UBE2E2: variants seen among roughly 807,000 people sequenced by gnomAD.
UBE2E2 encodes the protein ubiquitin-conjugating enzyme E2 E2.
UBE2E2 carries 6 observed loss-of-function variants against 24.7 expected under a neutral mutation model. The ratio of observed to expected loss-of-function variants is 0.24; its 90% CI spans 0.13 to 0.48. The LOEUF (loss-of-function observed/expected upper bound fraction) is 0.48, where lower values mean the gene tolerates loss of function less well. Among genes scored for constraint, UBE2E2 ranks in the 20% least tolerant of loss-of-function variants. UBE2E2 has a pLI of 0.99. For synonymous variants in UBE2E2, 104 were observed against 83.6 expected (o/e 1.24, Z -1.33); for missense variants, 169 against 245.0 (o/e 0.69, Z 2.07).
At chr3:23,578,084 T>G (rs922418798) in intron 5 of UBE2E2, among the ~76,000 whole-genome samples, 5 of 150,626 alleles carry the variant, frequency 3.3e-5, no homozygotes, top group Non-Finnish European at 5.9e-5. Context: ...ACAAGGAACT[T>G]AAACAAATTT....
At chr3:23,234,766 A>G (rs1697063252) in intron 3 of UBE2E2, among the ~76,000 whole-genome samples, 1 of 152,140 alleles carries the variant, frequency 6.6e-6, no homozygotes, top group South Asian at 2.1e-4. Flanking sequence ...GATACATGTT[A>G]TCATGTTGTT....
chr3:23,361,435 C>A (rs1386526484), intron 3 of UBE2E2, among the ~76,000 whole-genome samples: 1 of 152,114 alleles, frequency 6.6e-6, no homozygotes. Flanking sequence ...AGCTAAGTGC[C>A]CGTTGACCAA....
chr3:23,516,233 G>A (rs993593020), intron 4 of UBE2E2, among the ~76,000 whole-genome samples: 2 of 152,104 alleles, frequency 1.3e-5, no homozygotes, highest in Non-Finnish European at 2.9e-5. Flanking sequence ...AATATTAGGG[G>A]GAGAAAGAAT....
intron 3 of UBE2E2, among the ~76,000 whole-genome samples, chr3:23,304,866 G>A (rs1252697703): frequency 1.3e-5 from 2 of 152,002 alleles, no homozygotes; most frequent in Non-Finnish European, 1.5e-5. Context: ...GTGTGTGTGT[G>A]TGTAACTTCT....
At chr3:23,355,895 A>G (rs1165378939) in intron 3 of UBE2E2, among the ~76,000 whole-genome samples, 2 of 152,194 alleles carry the variant, frequency 1.3e-5, no homozygotes, top group South Asian at 2.1e-4. Flanking sequence ...GAGGAAAATT[A>G]TATCTCTTAC....
At chr3:23,558,136 A>T (rs1348087535) in intron 5 of UBE2E2, among the ~76,000 whole-genome samples, 2 of 152,210 alleles carry the variant, frequency 1.3e-5, no homozygotes, top group African/African-American at 4.8e-5. Flanking sequence ...TAAGTCCTCC[A>T]AAACCACTGA....
intron 3 of UBE2E2, among the ~76,000 whole-genome samples, chr3:23,445,566 A>G (rs899364795): frequency 1.3e-5 from 2 of 152,300 alleles, no homozygotes; most frequent in South Asian, 2.1e-4. Context: ...CTGCTCCTGA[A>G]TAAGGCTGCA....
At position 23,389,205 on chromosome 3, in the gene UBE2E2, AG is replaced by A. The variant is rs531109543; in HGVS notation, c.228-110402del. On this transcript the variant is annotated intron_variant, in intron 3 of 5. Transcript: ENST00000396703. ...ATAAAAAGAGTATCACTTACTAGGG[AG>A]CAGATGAGATCACAGCCTCAAGCAA... Among the ~76,000 whole-genome samples the A allele has an allele frequency of 7.5e-4, 114 of 152,224 alleles. No homozygotes were observed. In the East Asian group the frequency reaches 0.011, roughly 14 times the overall value.
At chr3:23,430,177 C>A (rs1277289502) in intron 3 of UBE2E2, among the ~76,000 whole-genome samples, 1 of 152,190 alleles carries the variant, frequency 6.6e-6, no homozygotes, top group East Asian at 1.9e-4. Flanking sequence ...AAACTCGATG[C>A]AGACTATTTG....
chr3:23,281,109 A>G (rs1698481766), intron 3 of UBE2E2, among the ~76,000 whole-genome samples: 1 of 152,172 alleles, frequency 6.6e-6, no homozygotes, highest in African/African-American at 2.4e-5. Context: ...TTACTTCCAA[A>G]TGGCCTCACC....
chr3:23,326,819 CCCACTCCCCCCACCCCACCA>C (rs1463655016), intron 3 of UBE2E2, among the ~76,000 whole-genome samples: 3 of 152,130 alleles, frequency 2.0e-5, no homozygotes, highest in Admixed American at 6.5e-5. Context: ...GCTGTCCCTC[CCCACTCCCCCCACCCCACCA>C]CAGGCCCTGG....
chr3:23,345,031 C>G (rs750511984), intron 3 of UBE2E2, among the ~76,000 whole-genome samples: 13 of 152,074 alleles, frequency 8.5e-5, no homozygotes, highest in Non-Finnish European at 1.3e-4. Flanking sequence ...TCATGAGATT[C>G]TGAAAGAGGA....
chr3:23,483,063 T>TA (rs1699289834), intron 3 of UBE2E2, among the ~76,000 whole-genome samples: 1 of 152,224 alleles, frequency 6.6e-6, no homozygotes, highest in Non-Finnish European at 1.5e-5. Flanking sequence ...TCTGGTCTCT[T>TA]AAACAGAAAG....
chr3:23,469,144 C>T (rs758697613), intron 3 of UBE2E2, among the ~76,000 whole-genome samples: 1 of 152,168 alleles, frequency 6.6e-6, no homozygotes, highest in Non-Finnish European at 1.5e-5. Flanking sequence ...GGTGGGTTCT[C>T]TGTTCTGGGT....
intron 3 of UBE2E2, among the ~76,000 whole-genome samples, chr3:23,383,379 A>G (rs1377294432): frequency 6.6e-6 from 1 of 152,200 alleles, no homozygotes; most frequent in Non-Finnish European, 1.5e-5. Context: ...AATCTAGCAA[A>G]TGATGATTAA....
chr3:23,408,648 T>C (rs918676110), intron 3 of UBE2E2, among the ~76,000 whole-genome samples: 1 of 152,158 alleles, frequency 6.6e-6, no homozygotes, highest in African/African-American at 2.4e-5. Flanking sequence ...GAGTTGGAAA[T>C]TAGACTAGTG....
At chr3:23,270,762 G>A (rs933134289) in intron 3 of UBE2E2, among the ~76,000 whole-genome samples, 16 of 152,220 alleles carry the variant, frequency 1.1e-4, no homozygotes, top group Non-Finnish European at 2.2e-4. Flanking sequence ...TCTGATTTGT[G>A]TGGATTTTTG....
At chr3:23,285,985 C>G (rs1442788480) in intron 3 of UBE2E2, among the ~76,000 whole-genome samples, 1 of 152,192 alleles carries the variant, frequency 6.6e-6, no homozygotes, top group African/African-American at 2.4e-5. Context: ...AAATGAGCCA[C>G]TGTGGATGGC....
chr3:23,323,465 C>A, intron 3 of UBE2E2: 2 of 421,682 alleles, frequency 4.7e-6, no homozygotes, highest in South Asian at 3.5e-5. Context: ...ACGGGGTGAG[C>A]ATCCCAAATT....
Sources: allele counts gnomAD v4.1 joint callset (sites outside exome capture counted in the v4.1 genomes callset), GRCh38; gene constraint gnomAD v4.1.1; transcripts MANE v1.5; gene names NCBI Gene and HGNC (gene_info 2026-07-23, HGNC 2026-07-21).